GRK4: variants seen among roughly 807,000 people sequenced by gnomAD.
The protein encoded by GRK4 is G protein-coupled receptor kinase 4.
GRK4 carries 73 observed loss-of-function variants against 77.9 expected under a neutral mutation model. The ratio of observed to expected loss-of-function variants is 0.94; its 90% CI spans 0.78 to 1.14. The LOEUF is 1.14. GRK4 is among the 50% of genes most tolerant of loss of function. The probability of loss-of-function intolerance (pLI) is 0.00; values close to 1 mark genes in which losing one functional copy is unlikely to be tolerated. For synonymous variants in GRK4, 257 were observed against 254.4 expected (o/e 1.01, Z -0.10); for missense variants, 729 against 700.2 (o/e 1.04, Z -0.46).
chr4:3,027,795 A>G lies in GRK4; in HGVS notation c.971-117A>G, dbSNP rs1737984080. On this transcript the variant is annotated intron_variant, in intron 10 of 15. Coordinates refer to ENST00000398052, the MANE Select transcript of GRK4 (RefSeq NM_182982.3). ...CATTTTACGTTTACTGTTCCAGAGT[A>G]TGAAATGCTATTATTTCCAGCCATG... is the stretch of plus-strand genomic sequence containing the variant. The G allele has an allele frequency of 5.3e-6, 4 of 761,814 alleles. No individual in the cohort carries two copies. The South Asian group carries it at 6.9e-5, about 13-fold the overall frequency. The allele number at this position is 761,814 out of a possible 1,614,324, so 47.2% of individuals were successfully genotyped here. A position where few individuals can be genotyped will look rare whatever the true frequency, so the allele number is the denominator to read the frequency against.
At chr4:3,001,346 C>CAT (rs1335363565) in intron 4 of GRK4, among the ~76,000 whole-genome samples, 3 of 122,376 alleles carry the variant, frequency 2.5e-5, no homozygotes, top group African/African-American at 1.1e-4. Flanking sequence ...CACACACACA[C>CAT]ACACACACAT....
At chr4:2,991,691 T>G (rs1439964467) in intron 3 of GRK4, among the ~76,000 whole-genome samples, 1 of 152,178 alleles carries the variant, frequency 6.6e-6, no homozygotes, top group Non-Finnish European at 1.5e-5. Context: ...TTTGTAATTT[T>G]AGTACAGACG....
chr4:2,966,389 G>A (rs1717706209), intron 1 of GRK4: 1 of 151,802 alleles, frequency 6.6e-6, no homozygotes, highest in South Asian at 2.1e-4. Flanking sequence ...TCCAGCCTGG[G>A]TGACAGAGCG....
At chr4:2,993,498 A>G (rs1279658369) in intron 4 of GRK4, among the ~76,000 whole-genome samples, 1 of 152,124 alleles carries the variant, frequency 6.6e-6, no homozygotes, top group Non-Finnish European at 1.5e-5. Context: ...ATATGGTGAA[A>G]CCCTGTCTCT....
chr4:2,978,424 A>G lies in GRK4; in HGVS notation c.53-6089A>G, dbSNP rs572172305. On this transcript the variant is annotated intron_variant, in intron 1 of 15. Transcript: ENST00000398052. ...AATTAGGGAGTAAGCAAAGAGGATT[A>G]TAATTTGGGATGCACAGCCATGGCG... Among the ~76,000 whole-genome samples the G allele has an allele frequency of 3.2e-4, 49 of 152,372 alleles. 1 individual carries two copies. In the South Asian group the frequency reaches 9.3e-3, roughly 29 times the overall value.
chr4:3,012,977 A>G (rs1733334754), intron 7 of GRK4, among the ~76,000 whole-genome samples: 1 of 151,842 alleles, frequency 6.6e-6, no homozygotes, highest in Non-Finnish European at 1.5e-5. Flanking sequence ...TCCCGTCTTT[A>G]CTAAAAATAC....
rs760146038 is a variant in GRK4, at chr4:3,004,319, T to G, written c.428T>G (p.Phe143Cys). Reference protein sequence around the residue: ...LKEENPSKKAFEECTRVAHNY... With the variant: ...LKEENPSKKACEECTRVAHNY... Reference sequence around the variant, plus strand: ...GAGGAGAACCCTTCCAAAAAAGCCTTTGAGGAATGTACTAGGTAAGTGGTT... The same window carrying G: ...GAGGAGAACCCTTCCAAAAAAGCCTGTGAGGAATGTACTAGGTAAGTGGTT... The change falls in exon 5 of 16, where the codon TTT (phenylalanine) becomes TGT (cysteine). Residue 143 changes from phenylalanine to cysteine, a missense_variant. Coordinates refer to ENST00000398052, the MANE Select transcript of GRK4 (RefSeq NM_182982.3). The G allele has an allele frequency of 8.7e-6, 14 of 1,605,526 alleles. No individual in the cohort carries two copies. The highest frequency in any genetic ancestry group is 1.1e-5 in the Non-Finnish European group (13 of 1,172,368).
chr4:2,997,917 A>AC (rs1465215499), intron 4 of GRK4, among the ~76,000 whole-genome samples: 6 of 151,738 alleles, frequency 4.0e-5, no homozygotes, highest in African/African-American at 1.5e-4. Context: ...CCAAAAAAAA[A>AC]AAAAAAAAGT....
At chr4:3,024,873 AAACAAC>A (rs1009007240) in intron 10 of GRK4, among the ~76,000 whole-genome samples, 13 of 152,120 alleles carry the variant, frequency 8.5e-5, no homozygotes, top group African/African-American at 3.1e-4. Context: ...ACAAACAAAC[AAACAAC>A]AACAACAACA....
At chr4:2,985,135 G>A (rs893056888) in intron 2 of GRK4, among the ~76,000 whole-genome samples, 1 of 151,376 alleles carries the variant, frequency 6.6e-6, no homozygotes, top group Non-Finnish European at 1.5e-5. Context: ...GAGCCAGGCC[G>A]GGCGCAGTGG....
chr4:3,012,981 A>G (rs1273698425), intron 7 of GRK4, among the ~76,000 whole-genome samples: 1 of 151,820 alleles, frequency 6.6e-6, no homozygotes, highest in Non-Finnish European at 1.5e-5. Context: ...GTCTTTACTA[A>G]AAATACAAGA....
intron 4 of GRK4, among the ~76,000 whole-genome samples, chr4:2,997,299 C>T (rs1230299292): frequency 6.6e-6 from 1 of 152,028 alleles, no homozygotes; most frequent in African/African-American, 2.4e-5. Context: ...TATAATACAC[C>T]ATATTAATAG....
chr4:3,032,801 A>G (rs537416979), intron 12 of GRK4, among the ~76,000 whole-genome samples: 10 of 152,354 alleles, frequency 6.6e-5, no homozygotes, highest in African/African-American at 2.2e-4. Flanking sequence ...ATAATTACTA[A>G]GAGGAGAAAC....
rs548237624 is a variant in GRK4 at position 3,025,567 on chromosome 4, T to A, written c.971-2345T>A. 1.1e-3 allele frequency among the ~76,000 whole-genome samples: 173 copies of A among 151,108 alleles called. 1 individual carries two copies. The highest frequency in any genetic ancestry group is 3.6e-3 in the Admixed American group (54 of 15,172). ...ACCACGCCCGGCTAATTTTTTATAT[T>A]TTTTTTAGTAGAGACGGGGTTTCAC... On this transcript the variant is annotated intron_variant, in intron 10 of 15. Coordinates refer to ENST00000398052, the MANE Select transcript of GRK4 (RefSeq NM_182982.3).
At chr4:2,969,827 G>A (rs1333314781) in intron 1 of GRK4, among the ~76,000 whole-genome samples, 3 of 152,006 alleles carry the variant, frequency 2.0e-5, no homozygotes, top group East Asian at 1.9e-4. Flanking sequence ...ACAGGCATGC[G>A]CTGCCATGCA....
chr4:2,999,076 G>T (rs1728788073), intron 4 of GRK4, among the ~76,000 whole-genome samples: 1 of 152,134 alleles, frequency 6.6e-6, no homozygotes, highest in South Asian at 2.1e-4. Flanking sequence ...TTTTGTCTTA[G>T]TCCATTTAGT....
chr4:3,024,293 C>T (rs1198477605), intron 10 of GRK4, among the ~76,000 whole-genome samples: 1 of 152,058 alleles, frequency 6.6e-6, no homozygotes, highest in Non-Finnish European at 1.5e-5. Context: ...TCTATGCTAC[C>T]CAGGCTGGGT....
At position 2,966,344 on chromosome 4, in the gene GRK4, A is replaced by G. The variant is rs572393659; in HGVS notation, c.52+2222A>G. On this transcript the variant is annotated intron_variant, in intron 1 of 15. Coordinates refer to ENST00000398052, the MANE Select transcript of GRK4 (RefSeq NM_182982.3). ...GGAGAATGGCGTGAACCCTGGAGGC[A>G]GAGCTTGCAGTGAGCCGAGATCGCG... The G allele has an allele frequency of 5.9e-5, 9 of 152,228 alleles. No homozygotes were observed. In the East Asian group the frequency reaches 1.5e-3, roughly 26 times the overall value. The allele number at this position is 152,228 out of a possible 1,614,324, so 9.4% of individuals were successfully genotyped here. A position where few individuals can be genotyped will look rare whatever the true frequency, so the allele number is the denominator to read the frequency against.
chr4:2,969,972 C>T (rs969459661), intron 1 of GRK4, among the ~76,000 whole-genome samples: 13 of 152,188 alleles, frequency 8.5e-5, no homozygotes, highest in African/African-American at 2.9e-4. Context: ...TGAACCACTA[C>T]ACCCGGCCTA....
Sources: gnomAD v4.1 joint callset for allele counts (sites outside exome capture counted in the v4.1 genomes callset) on GRCh38, gnomAD v4.1.1 for gene constraint, MANE v1.5 for transcripts, NCBI Gene and HGNC (gene_info 2026-07-23, HGNC 2026-07-21) for gene names.